Variants in CDH12 observed in about 807,000 individuals in gnomAD.
CDH12 encodes the protein cadherin-12.
Under a neutral mutation model 74.1 loss-of-function variants are expected in CDH12, and 41 were observed. That is an observed-to-expected ratio of 0.55 (90% CI 0.43 to 0.72). CDH12 has a LOEUF of 0.72. Ranked by LOEUF, CDH12 falls within the 30% of genes least tolerant of loss-of-function variation. The pLI, the probability that CDH12 is intolerant of heterozygous loss-of-function variation, is 0.00. For missense variants in CDH12, 945 were observed against 977.2 expected (o/e 0.97, Z 0.44); for synonymous variants, 399 against 355.0 (o/e 1.12, Z -1.39).
intron 6 of CDH12, among the ~76,000 whole-genome samples, chr5:21,902,263 A>AGTATATATATTACATATGTATTATAT (rs1753424735): frequency 1.3e-5 from 2 of 150,438 alleles, no homozygotes; most frequent in Non-Finnish European, 3.0e-5. Context: ...GTATAATATA[A>AGTATATATATTACATATGTATTATAT]GTATATATAT....
chr5:21,760,865 G>A (rs967833402), intron 12 of CDH12, among the ~76,000 whole-genome samples, 190 bp from the exon 13 acceptor site: 1 of 152,046 alleles, frequency 6.6e-6, no homozygotes, highest in East Asian at 1.9e-4. Context: ...ATAACGACAG[G>A]TACAATTATA....
intron 1 of CDH12, among the ~76,000 whole-genome samples, chr5:22,557,832 C>T (rs1738868809): frequency 6.6e-6 from 1 of 152,036 alleles, no homozygotes; most frequent in Non-Finnish European, 1.5e-5. Context: ...AGTAATTATT[C>T]TCAATCTTTT....
At chr5:22,522,576 A>G (rs1737100159) in intron 1 of CDH12, among the ~76,000 whole-genome samples, 1 of 152,152 alleles carries the variant, frequency 6.6e-6, no homozygotes, top group South Asian at 2.1e-4. Flanking sequence ...TAGACTCAGC[A>G]GTGAAGCTTC....
chr5:22,706,266 T>A (rs1042520467), intron 1 of CDH12, among the ~76,000 whole-genome samples: 2 of 152,066 alleles, frequency 1.3e-5, no homozygotes, highest in African/African-American at 4.8e-5. Flanking sequence ...AATGCTTCTG[T>A]TTATAACTTA....
intron 6 of CDH12, among the ~76,000 whole-genome samples, chr5:21,863,018 C>T (rs1751133143): frequency 6.6e-6 from 1 of 151,940 alleles, no homozygotes; most frequent in Non-Finnish European, 1.5e-5. Flanking sequence ...TCATTGATTA[C>T]AAAAATAAAA....
At chr5:21,901,076 T>A (rs1047604605) in intron 6 of CDH12, among the ~76,000 whole-genome samples, 4 of 152,220 alleles carry the variant, frequency 2.6e-5, no homozygotes, top group Admixed American at 1.3e-4. Flanking sequence ...AAGAGATTGC[T>A]CATATTTCTT....
At chr5:22,329,165 A>G (rs377671656) in intron 3 of CDH12, among the ~76,000 whole-genome samples, 2 of 152,336 alleles carry the variant, frequency 1.3e-5, no homozygotes, top group South Asian at 2.1e-4. Context: ...GATATCATAA[A>G]AATTAATGCT....
chr5:21,761,931 T>C (rs1744749173), intron 12 of CDH12, among the ~76,000 whole-genome samples: 1 of 152,148 alleles, frequency 6.6e-6, no homozygotes, highest in Non-Finnish European at 1.5e-5. Context: ...AAAATTGTCC[T>C]GGAGAGAATT....
At chr5:22,078,115 T>C (rs776560798) in intron 5 of CDH12, among the ~76,000 whole-genome samples, 14 of 152,166 alleles carry the variant, frequency 9.2e-5, no homozygotes, top group South Asian at 4.1e-4. Context: ...ATAACTATAC[T>C]GATACTATAC....
intron 2 of CDH12, among the ~76,000 whole-genome samples, chr5:22,486,654 A>C (rs529373802): frequency 6.6e-6 from 1 of 151,966 alleles, no homozygotes; most frequent in Non-Finnish European, 1.5e-5. Context: ...GGGTTTCTCC[A>C]TATTGGTCAG....
At chr5:21,977,861 T>A (rs1226613606) in intron 5 of CDH12, among the ~76,000 whole-genome samples, 2 of 152,158 alleles carry the variant, frequency 1.3e-5, no homozygotes, top group African/African-American at 4.8e-5. Flanking sequence ...AGAATTAGAC[T>A]TTTTGTAGCA....
chr5:22,690,293 A>C (rs990726838), intron 1 of CDH12, among the ~76,000 whole-genome samples: 6 of 152,238 alleles, frequency 3.9e-5, no homozygotes, highest in Middle Eastern at 3.4e-3. Context: ...AAGATAAAAC[A>C]GGGTATGGGA....
At chr5:21,791,603 G>C (rs2149908307) in intron 10 of CDH12, among the ~76,000 whole-genome samples, 1 of 150,074 alleles carries the variant, frequency 6.7e-6, no homozygotes, top group African/African-American at 2.4e-5. Context: ...GGATTTAAGT[G>C]AAAAAACGAT....
chr5:21,789,773 T>C (rs920385209), intron 10 of CDH12, among the ~76,000 whole-genome samples: 2 of 152,168 alleles, frequency 1.3e-5, no homozygotes, highest in South Asian at 2.1e-4. Flanking sequence ...TTGGAAAATA[T>C]AGCACAGCTT....
chr5:21,841,865 G>C (rs1343248355), intron 8 of CDH12, among the ~76,000 whole-genome samples: 1 of 121,844 alleles, frequency 8.2e-6, no homozygotes, highest in Non-Finnish European at 1.7e-5. Flanking sequence ...TTGTGGGGTG[G>C]GGGGAGGGGG....
chr5:22,776,674 A>T (rs1212395627), intron 1 of CDH12, among the ~76,000 whole-genome samples: 2 of 152,202 alleles, frequency 1.3e-5, no homozygotes, highest in Admixed American at 6.5e-5. Context: ...TAGAACTGTG[A>T]TAAAGACGAG....
At position 22,803,303 on chromosome 5, in the gene CDH12, A is replaced by C. The variant is rs536155803; in HGVS notation, c.-523+49755T>G. On this transcript the variant is annotated intron_variant, in intron 1 of 14. Transcript: ENST00000382254. ...AACTGTGCTGGAAGGGCCTACTACT[A>C]TAATTAAAAATATGCATCATGAATT... 6.0e-4 allele frequency among the ~76,000 whole-genome samples: 91 copies of C among 152,336 alleles called. 1 individual carries two copies. The highest frequency in any genetic ancestry group is 2.1e-3 in the African/African-American group (89 of 41,576).
At chr5:21,997,621 A>AT (rs367945336) in intron 5 of CDH12, among the ~76,000 whole-genome samples, 5 of 152,218 alleles carry the variant, frequency 3.3e-5, no homozygotes, top group Non-Finnish European at 5.9e-5. Context: ...AAACTATGTG[A>AT]TAAATACTAG....
intron 3 of CDH12, among the ~76,000 whole-genome samples, chr5:22,217,379 C>T (rs1319176180): frequency 1.3e-5 from 2 of 151,612 alleles, no homozygotes; most frequent in African/African-American, 4.8e-5. Flanking sequence ...AATTGGAGAG[C>T]ATACTTAAAG....
Sources: allele counts gnomAD v4.1 joint callset (sites outside exome capture counted in the v4.1 genomes callset), GRCh38; gene constraint gnomAD v4.1.1; transcripts MANE v1.5; gene names NCBI Gene and HGNC (gene_info 2026-07-23, HGNC 2026-07-21).